AGMO: variants seen among roughly 807,000 people sequenced by gnomAD.
AGMO encodes the protein glyceryl-ether monooxygenase.
A neutral mutation model predicts 60.2 loss-of-function variants in AGMO; 75 were observed. That is an observed-to-expected ratio of 1.25 (90% CI 1.03 to 1.51). AGMO has a LOEUF of 1.51. Ranked by LOEUF, AGMO falls within the 40% of genes most tolerant of loss-of-function variation. AGMO has a pLI of 0.00. For missense variants in AGMO, 763 were observed against 525.5 expected, an observed-to-expected ratio of 1.45 and a Z score of -4.42; for synonymous variants, 261 against 177.1, an observed-to-expected ratio of 1.47 and a Z score of -3.76.
chr7:15,385,646 A>T, intron 9 of AGMO, 84 bp from the exon 10 acceptor site: 1 of 777,016 alleles, frequency 1.3e-6, no homozygotes, highest in African/African-American at 1.9e-5. Context: ...ATTTGAAAAA[A>T]GTATCTGCTA....
chr7:15,128,854 G>C, the AGMO span, among the ~76,000 whole-genome samples: 1 of 152,118 alleles, frequency 6.6e-6, no homozygotes, highest in South Asian at 2.1e-4. Flanking sequence ...AGAGCTTGCT[G>C]TAGCTAGGGA....
chr7:15,434,101 C>A (rs1285703802), intron 3 of AGMO, among the ~76,000 whole-genome samples: 5 of 152,036 alleles, frequency 3.3e-5, no homozygotes, highest in Non-Finnish European at 5.9e-5. Flanking sequence ...CCCCCACCTC[C>A]TTTTTGTGGT....
intron 3 of AGMO, among the ~76,000 whole-genome samples, chr7:15,432,635 T>TC (rs780221361): frequency 6.1e-4 from 93 of 151,948 alleles, no homozygotes; most frequent in Non-Finnish European, 8.8e-4. Context: ...CGTATTGTCA[T>TC]CAACCACAGC....
intron 12 of AGMO, among the ~76,000 whole-genome samples, chr7:15,292,256 A>G (rs1413017159): frequency 6.6e-6 from 1 of 152,164 alleles, no homozygotes; most frequent in Non-Finnish European, 1.5e-5. Flanking sequence ...TAATGGCCCA[A>G]CAGTACTTTA....
At chr7:15,283,659 A>C (rs1696221970) in intron 12 of AGMO, among the ~76,000 whole-genome samples, 1 of 152,100 alleles carries the variant, frequency 6.6e-6, no homozygotes, top group South Asian at 2.1e-4. Flanking sequence ...TTCCACTGAC[A>C]CTAGACAGAT....
intron 12 of AGMO, among the ~76,000 whole-genome samples, chr7:15,300,009 T>C (rs1377966438): frequency 6.6e-6 from 1 of 152,056 alleles, no homozygotes; most frequent in African/African-American, 2.4e-5. Flanking sequence ...AAATAGAAAC[T>C]GACCAAAGCA....
intron 12 of AGMO, among the ~76,000 whole-genome samples, chr7:15,221,907 G>A (rs1378319441): frequency 6.6e-6 from 1 of 151,848 alleles, no homozygotes; most frequent in Non-Finnish European, 1.5e-5. Context: ...TATGTAAAAG[G>A]CAAATATTTT....
chr7:15,206,774 T>C (rs1781450675), intron 12 of AGMO, among the ~76,000 whole-genome samples: 1 of 152,078 alleles, frequency 6.6e-6, no homozygotes, highest in Non-Finnish European at 1.5e-5. Context: ...ATACTAAACA[T>C]AACGCAATCA....
intron 3 of AGMO, among the ~76,000 whole-genome samples, chr7:15,535,631 A>G (rs1169833528): frequency 6.6e-6 from 1 of 151,742 alleles, no homozygotes; most frequent in East Asian, 1.9e-4. Flanking sequence ...CCCAAAGGGT[A>G]ACAACTTTAA....
At chr7:15,283,163 TA>T (rs1423257537) in intron 12 of AGMO, among the ~76,000 whole-genome samples, 1 of 151,984 alleles carries the variant, frequency 6.6e-6, no homozygotes, top group Non-Finnish European at 1.5e-5. Flanking sequence ...ACAGGGCCCA[TA>T]AAACAATAAC....
chr7:15,475,049 C>G (rs1315577576), intron 3 of AGMO, among the ~76,000 whole-genome samples: 1 of 152,064 alleles, frequency 6.6e-6, no homozygotes, highest in Non-Finnish European at 1.5e-5. Flanking sequence ...ACAACAGATG[C>G]TGGAGAGGAT....
chr7:15,142,733 T>C, the AGMO span, among the ~76,000 whole-genome samples: 1 of 152,160 alleles, frequency 6.6e-6, no homozygotes, highest in African/African-American at 2.4e-5. Flanking sequence ...ACAAAAGAGC[T>C]AGGCTACCTT....
At chr7:15,395,266 T>TA (rs1784325407) in intron 5 of AGMO, among the ~76,000 whole-genome samples, 1 of 152,090 alleles carries the variant, frequency 6.6e-6, no homozygotes, top group African/African-American at 2.4e-5. Context: ...AAGGGCAAAA[T>TA]AGTCACTGAC....
chr7:15,328,657 TATTTCA>T (rs1781417135), intron 12 of AGMO, among the ~76,000 whole-genome samples: 1 of 152,212 alleles, frequency 6.6e-6, no homozygotes, highest in African/African-American at 2.4e-5. Context: ...CTCACATTTT[TATTTCA>T]AAGTAGTCAA....
downstream of AGMO, among the ~76,000 whole-genome samples, chr7:15,196,875 T>C (rs1005910766): frequency 3.3e-5 from 5 of 152,276 alleles, no homozygotes; most frequent in African/African-American, 1.2e-4. Context: ...GTGCTAGAGT[T>C]GTAGAATGTC....
At chr7:15,362,744 G>A (rs1413068055) in intron 12 of AGMO, among the ~76,000 whole-genome samples, 2 of 152,116 alleles carry the variant, frequency 1.3e-5, no homozygotes, top group African/African-American at 4.8e-5. Context: ...TAATCCAGAG[G>A]TAAATTATTC....
intron 12 of AGMO, among the ~76,000 whole-genome samples, chr7:15,292,714 C>A (rs1049147707): frequency 4.0e-5 from 6 of 150,238 alleles, no homozygotes; most frequent in Middle Eastern, 7.0e-3. Context: ...CTCTGAGTCT[C>A]CAGCCTCTGG....
At chr7:15,377,820 A>T (rs549248524) in intron 10 of AGMO, among the ~76,000 whole-genome samples, 1 of 152,120 alleles carries the variant, frequency 6.6e-6, no homozygotes, top group African/African-American at 2.4e-5. Context: ...GTGAGGGGTT[A>T]TGAGACCTTA....
intron 2 of AGMO, among the ~76,000 whole-genome samples, chr7:15,547,807 A>G (rs183430661): frequency 0.22 from 32,980 of 149,348 alleles, 4,307 homozygotes; most frequent in African/African-American, 0.32. Context: ...ACTGGGTGGA[A>G]CCCACCACAG....
Sources: gnomAD v4.1 joint callset for allele counts (sites outside exome capture counted in the v4.1 genomes callset) on GRCh38, gnomAD v4.1.1 for gene constraint, MANE v1.5 for transcripts, NCBI Gene and HGNC (gene_info 2026-07-23, HGNC 2026-07-21) for gene names.